The following PDS5A variants were observed in gnomAD, a reference collection of about 807,000 sequenced individuals.
The protein encoded by PDS5A is PDS5 cohesin associated factor A.
In PDS5A, 42 loss-of-function variants were observed where a neutral mutation model predicts 167.1. That is an observed-to-expected ratio of 0.25 (90% confidence interval 0.20 to 0.33). PDS5A has a LOEUF of 0.33. PDS5A is among the 10% of genes least tolerant of loss of function. The probability of loss-of-function intolerance (pLI) is 1.00; values close to 1 mark genes in which losing one functional copy is unlikely to be tolerated. For missense variants in PDS5A, 1,033 were observed against 1,605.9 expected (o/e 0.64, Z 6.10); for synonymous variants, 553 against 554.6 (o/e 1.00, Z 0.04).
chr4:39,825,584 CTTTTT>C, intron 32 of PDS5A, 96 bp from the exon 33 acceptor site: 3 of 674,498 alleles, frequency 4.4e-6, no homozygotes, highest in Admixed American at 3.7e-5. Flanking sequence ...TATCTAAAAT[CTTTTT>C]TTTTTTTTTT....
At chr4:39,916,156 C>G (rs1037094583) in intron 8 of PDS5A, among the ~76,000 whole-genome samples, 9 of 151,604 alleles carry the variant, frequency 5.9e-5, no homozygotes, top group Non-Finnish European at 7.4e-5. Flanking sequence ...AAAAGCCGGG[C>G]ACTCCAGCCT....
intron 2 of PDS5A, chr4:39,974,012 G>C: frequency 2.2e-6 from 1 of 460,014 alleles, no homozygotes; most frequent in Non-Finnish European, 4.1e-6. Flanking sequence ...CGTGGTCCCA[G>C]CTACTCGGGA....
intron 2 of PDS5A, among the ~76,000 whole-genome samples, chr4:39,956,140 A>T (rs979650505): frequency 3.3e-5 from 5 of 151,892 alleles, no homozygotes; most frequent in African/African-American, 9.7e-5. Context: ...GAACAATTTT[A>T]AAAAACAGTA....
chr4:39,926,382 G>A (rs572683323), intron 4 of PDS5A, among the ~76,000 whole-genome samples: 10 of 152,070 alleles, frequency 6.6e-5, no homozygotes, highest in African/African-American at 2.2e-4. Context: ...GCCGTGCGTG[G>A]TGGTGTATGC....
chr4:39,937,625 C>T (rs1403027816), intron 2 of PDS5A, among the ~76,000 whole-genome samples: 2 of 152,042 alleles, frequency 1.3e-5, no homozygotes, highest in Non-Finnish European at 2.9e-5. Flanking sequence ...TGTTATGTTG[C>T]CTAGGCTGGT....
intron 32 of PDS5A, among the ~76,000 whole-genome samples, chr4:39,836,620 T>TC (rs1308420042): frequency 2.2e-5 from 3 of 136,352 alleles, no homozygotes; most frequent in African/African-American, 5.2e-5. Context: ...TTTCTATTTT[T>TC]TTTTTTTTTT....
At chr4:39,913,787 T>C (rs377279868) in intron 8 of PDS5A, 61 bp from the exon 9 acceptor site, 216 of 883,578 alleles carry the variant, frequency 2.4e-4, no homozygotes, top group Non-Finnish European at 3.6e-4. Context: ...AGAAAATATC[T>C]TGAAACATTC....
intron 2 of PDS5A, among the ~76,000 whole-genome samples, chr4:39,957,610 C>A (rs1172786307): frequency 6.6e-6 from 1 of 151,622 alleles, no homozygotes; most frequent in Non-Finnish European, 1.5e-5. Context: ...ACGGTGAAAC[C>A]CCATCTCTAC....
At chr4:39,922,853 A>T in intron 5 of PDS5A, 105 bp from the exon 6 acceptor site, 1 of 1,256,326 alleles carries the variant, frequency 8.0e-7, no homozygotes, top group Non-Finnish European at 1.0e-6. Context: ...ACAATCTCAC[A>T]TGTAAAGGAT....
intron 2 of PDS5A, among the ~76,000 whole-genome samples, chr4:39,930,247 G>GTTTTGTT (rs1553903840): frequency 3.2e-5 from 2 of 61,960 alleles, no homozygotes; most frequent in East Asian, 6.2e-4. Context: ...AAAAAAAAAA[G>GTTTTGTT]TTTTTTTGTT....
At chr4:39,872,533 C>G (rs1390428757) in intron 21 of PDS5A, among the ~76,000 whole-genome samples, 1 of 152,054 alleles carries the variant, frequency 6.6e-6, no homozygotes, top group African/African-American at 2.4e-5. Flanking sequence ...GGCGTGGTGA[C>G]AGGCACCTGT....
At chr4:39,875,304 T>G (rs754470435) in intron 19 of PDS5A, among the ~76,000 whole-genome samples, 1 of 152,190 alleles carries the variant, frequency 6.6e-6, no homozygotes, top group Non-Finnish European at 1.5e-5. Context: ...TAGATGAACA[T>G]TCATAGAAAG....
intron 2 of PDS5A, among the ~76,000 whole-genome samples, chr4:39,941,427 A>G (rs1430410036): frequency 6.6e-6 from 1 of 152,244 alleles, no homozygotes. Context: ...GAGCATATAC[A>G]TGGACTGCTG....
intron 18 of PDS5A, 59 bp downstream of exon 18, chr4:39,879,669 A>G: frequency 1.0e-6 from 1 of 979,188 alleles, no homozygotes; most frequent in South Asian, 1.3e-5. Context: ...CATATCCTGA[A>G]GGGAAGGCAA....
At chr4:39,869,231 G>A (rs748515499) in intron 22 of PDS5A, among the ~76,000 whole-genome samples, 163 bp downstream of exon 22, 4 of 152,204 alleles carry the variant, frequency 2.6e-5, no homozygotes, top group Non-Finnish European at 4.4e-5. Flanking sequence ...AGCACTTTGG[G>A]AGGCTGAAGT....
intron 2 of PDS5A, among the ~76,000 whole-genome samples, chr4:39,936,086 G>A (rs1352955376): frequency 6.6e-6 from 1 of 152,156 alleles, no homozygotes; most frequent in African/African-American, 2.4e-5. Context: ...GGACTAAAAA[G>A]CAAAAGGAGG....
At chr4:39,892,532 A>G (rs576868000) in intron 16 of PDS5A, among the ~76,000 whole-genome samples, 38 of 152,202 alleles carry the variant, frequency 2.5e-4, no homozygotes, top group African/African-American at 8.9e-4. Flanking sequence ...TCCTGGACCT[A>G]TTTCCACCCC....
At chr4:39,893,159 G>A (rs1269510764) in intron 16 of PDS5A, among the ~76,000 whole-genome samples, 1 of 152,196 alleles carries the variant, frequency 6.6e-6, no homozygotes, top group Admixed American at 6.5e-5. Flanking sequence ...CTCTCATGGG[G>A]AGGGGGGCAA....
chr4:39,825,999 A>G (rs1241654582), intron 32 of PDS5A, among the ~76,000 whole-genome samples: 2 of 152,174 alleles, frequency 1.3e-5, no homozygotes, highest in African/African-American at 2.4e-5. Flanking sequence ...CCAAACACCA[A>G]TAAAGAAGTT....
Sources: allele counts gnomAD v4.1 joint callset (sites outside exome capture counted in the v4.1 genomes callset), GRCh38; gene constraint gnomAD v4.1.1; transcripts MANE v1.5; gene names NCBI Gene and HGNC (gene_info 2026-07-23, HGNC 2026-07-21).